Variants in TRAPPC9 observed in about 807,000 individuals in gnomAD.
The protein encoded by TRAPPC9 is trafficking protein particle complex subunit 9.
Under a neutral mutation model 124.0 loss-of-function variants are expected in TRAPPC9, and 83 were observed. The observed-to-expected ratio is 0.67, with a 90% CI of 0.56 to 0.80. The LOEUF (loss-of-function observed/expected upper bound fraction) is 0.80, where lower values mean the gene tolerates loss of function less well. Among genes scored for constraint, TRAPPC9 ranks in the 30% least tolerant of loss-of-function variants. The pLI is 0.00. For synonymous variants in TRAPPC9, 638 were observed against 617.5 expected, an observed-to-expected ratio of 1.03 and a Z score of -0.49; for missense variants, 1,302 against 1,508.3, an observed-to-expected ratio of 0.86 and a Z score of 2.27.
chr8:140,141,017 A>G (rs73361165), intron 17 of TRAPPC9, among the ~76,000 whole-genome samples: 1,614 of 152,234 alleles, frequency 0.011, 26 homozygotes, highest in African/African-American at 0.036. Context: ...TATAATAATT[A>G]TTTTGTTCTT....
intron 21 of TRAPPC9, among the ~76,000 whole-genome samples, chr8:139,795,584 G>A (rs1486875016): frequency 6.6e-6 from 1 of 152,156 alleles, no homozygotes; most frequent in Non-Finnish European, 1.5e-5. Flanking sequence ...GGGGAGAAGT[G>A]AAGTCATCAG....
chr8:139,921,787 T>C (rs1832517569), intron 19 of TRAPPC9, among the ~76,000 whole-genome samples: 1 of 152,070 alleles, frequency 6.6e-6, no homozygotes, highest in Non-Finnish European at 1.5e-5. Context: ...GAAAGGGCTA[T>C]GGGCTGCATT....
chr8:140,195,365 G>T (rs1303119352), intron 17 of TRAPPC9, among the ~76,000 whole-genome samples: 1 of 152,014 alleles, frequency 6.6e-6, no homozygotes, highest in Non-Finnish European at 1.5e-5. Flanking sequence ...CCACTGTACA[G>T]ATCACACCTG....
chr8:140,324,248 A>C (rs1008389773), intron 9 of TRAPPC9, among the ~76,000 whole-genome samples: 2 of 152,166 alleles, frequency 1.3e-5, no homozygotes, highest in Non-Finnish European at 2.9e-5. Context: ...AGCATAATAA[A>C]CCTGGTGTGG....
intron 19 of TRAPPC9, among the ~76,000 whole-genome samples, chr8:139,928,242 A>G (rs1282705276): frequency 1.3e-5 from 2 of 152,206 alleles, no homozygotes; most frequent in Admixed American, 6.5e-5. Flanking sequence ...CTATAATCCC[A>G]GCACTTTGGG....
In TRAPPC9 at chr8:139,986,508, ACC is replaced by A. The variant is rs542689423; in HGVS notation, c.2810+2216_2810+2217del. 2.5e-3 allele frequency among the ~76,000 whole-genome samples: 376 copies of A among 152,080 alleles called. 1 individual carries two copies. Among genetic ancestry groups the A allele is most frequent in the African/African-American group, 8.6e-3 (358 of 41,488 alleles). ...AAGGTGAAAAAGATTTACACTGAAC[ACC>A]CCCCATATGCCCATTAAGAGACGCT... On this transcript the variant is annotated intron_variant, in intron 19 of 22. Coordinates refer to ENST00000438773, the MANE Select transcript of TRAPPC9 (RefSeq NM_001160372.4).
intron 9 of TRAPPC9, among the ~76,000 whole-genome samples, chr8:140,348,732 G>C (rs971797245): frequency 1.3e-5 from 2 of 152,200 alleles, no homozygotes. Context: ...TTCTAAAACT[G>C]ACTGTGGTGA....
At chr8:140,417,554 G>GT (rs1429625688) in intron 5 of TRAPPC9, among the ~76,000 whole-genome samples, 4 of 152,158 alleles carry the variant, frequency 2.6e-5, no homozygotes, top group African/African-American at 9.7e-5. Context: ...TAAAAAGTCA[G>GT]GAAACAACAG....
intron 17 of TRAPPC9, among the ~76,000 whole-genome samples, chr8:140,152,584 G>T (rs1374614354): frequency 6.6e-6 from 1 of 151,552 alleles, no homozygotes; most frequent in Non-Finnish European, 1.5e-5. Context: ...TAGCCAGGAT[G>T]GTCTCGATCT....
intron 21 of TRAPPC9, among the ~76,000 whole-genome samples, chr8:139,757,341 C>G (rs1483616518): frequency 6.3e-5 from 9 of 143,196 alleles, no homozygotes; most frequent in African/African-American, 2.4e-4. Context: ...GGGATGAGGA[C>G]AGCAGGTCGC....
chr8:140,310,498 A>C (rs2066266539), intron 10 of TRAPPC9, among the ~76,000 whole-genome samples: 1 of 152,192 alleles, frequency 6.6e-6, no homozygotes, highest in Non-Finnish European at 1.5e-5. Context: ...TCAGTTCATA[A>C]ACCTTTTGCA....
rs371729006 is a variant in TRAPPC9 at position 140,320,835 on chromosome 8, CA to C, written c.1496-9462del. ...CTGGATCTCAAAGTCAGGCCCTCTA[CA>C]AACCCTACATCTCACGATCTTTCTA... On this transcript the variant is annotated intron_variant, in intron 9 of 22. Transcript: ENST00000438773. Among the ~76,000 whole-genome samples, 7 of 152,332 alleles carry C rather than the reference CA, an allele frequency of 4.6e-5. No homozygotes were observed. In the East Asian group the frequency reaches 1.4e-3, roughly 29 times the overall value.
intron 9 of TRAPPC9, among the ~76,000 whole-genome samples, chr8:140,333,103 G>C (rs11774134): frequency 0.24 from 35,595 of 149,066 alleles, 4,964 homozygotes; most frequent in East Asian, 0.64. Flanking sequence ...CCAAGCCTGG[G>C]CTAAAAAGCG....
At chr8:139,756,220 A>G (rs77751157) in intron 21 of TRAPPC9, among the ~76,000 whole-genome samples, 132 of 66,072 alleles carry the variant, frequency 2.0e-3, no homozygotes, top group Non-Finnish European at 2.3e-3. Context: ...ACAGCAGGTC[A>G]CAGGAGGAGC....
At chr8:139,851,470 C>T (rs1045769530) in intron 21 of TRAPPC9, among the ~76,000 whole-genome samples, 1 of 152,106 alleles carries the variant, frequency 6.6e-6, no homozygotes, top group African/African-American at 2.4e-5. Context: ...GGTGGTGCAT[C>T]CCGGAAGGCA....
At chr8:139,858,018 G>A (rs956093461) in intron 21 of TRAPPC9, among the ~76,000 whole-genome samples, 4 of 152,210 alleles carry the variant, frequency 2.6e-5, no homozygotes, top group Non-Finnish European at 4.4e-5. Context: ...CACCATCTGG[G>A]AGAACTGCTT....
intron 16 of TRAPPC9, among the ~76,000 whole-genome samples, chr8:140,240,011 T>C (rs956545181): frequency 6.6e-6 from 1 of 152,160 alleles, no homozygotes; most frequent in African/African-American, 2.4e-5. Flanking sequence ...TGAAAGTGAA[T>C]ATAATGCGTT....
intron 17 of TRAPPC9, among the ~76,000 whole-genome samples, chr8:140,064,604 A>G (rs1026704454): frequency 6.6e-6 from 1 of 152,234 alleles, no homozygotes; most frequent in Non-Finnish European, 1.5e-5. Flanking sequence ...AGAAATTGAC[A>G]TGCATATTCC....
At chr8:139,843,068 G>A (rs899150836) in intron 21 of TRAPPC9, among the ~76,000 whole-genome samples, 12 of 152,228 alleles carry the variant, frequency 7.9e-5, no homozygotes, top group African/African-American at 2.7e-4. Flanking sequence ...GCGGGGACTG[G>A]GCTGTCTTGT....
Sources: gnomAD v4.1 joint callset for allele counts (sites outside exome capture counted in the v4.1 genomes callset) on GRCh38, gnomAD v4.1.1 for gene constraint, MANE v1.5 for transcripts, NCBI Gene and HGNC (gene_info 2026-07-23, HGNC 2026-07-21) for gene names.